Variants in PRELID2 observed in about 807,000 individuals in gnomAD.
PRELID2 encodes the protein PRELI domain containing 2, also known as PRELI domain-containing protein 2.
PRELID2 carries 25 observed loss-of-function variants against 28.4 expected under a neutral mutation model. The observed-to-expected ratio is 0.88, with a 90% CI of 0.64 to 1.23. The LOEUF (loss-of-function observed/expected upper bound fraction) is 1.23, where lower values mean the gene tolerates loss of function less well. Ranked by LOEUF, PRELID2 falls within the 50% of genes most tolerant of loss-of-function variation. The pLI is 0.00. For synonymous variants in PRELID2, 76 were observed against 71.6 expected, an observed-to-expected ratio of 1.06 and a Z score of -0.31; for missense variants, 201 against 214.4, an observed-to-expected ratio of 0.94 and a Z score of 0.39.
At chr5:145,510,630 G>T (rs1752453142) in intron 1 of PRELID2, among the ~76,000 whole-genome samples, 1 of 152,230 alleles carries the variant, frequency 6.6e-6, no homozygotes, top group Admixed American at 6.5e-5. Flanking sequence ...AGGCAAAGCA[G>T]AGGTGATGCT....
At chr5:145,318,081 A>C in the PRELID2 span, among the ~76,000 whole-genome samples, 1 of 152,116 alleles carries the variant, frequency 6.6e-6, no homozygotes, top group Non-Finnish European at 1.5e-5. Flanking sequence ...TATTTGTCTT[A>C]TATTATCCTC....
the PRELID2 span, among the ~76,000 whole-genome samples, chr5:145,336,129 T>C: frequency 2.0e-5 from 3 of 152,238 alleles, no homozygotes; most frequent in Non-Finnish European, 2.9e-5. Flanking sequence ...TGTTTGTTTT[T>C]TTCTTGTAAA....
chr5:145,817,427 A>ATATATATT (rs1322292753), intron 4 of PRELID2, among the ~76,000 whole-genome samples: 3 of 134,534 alleles, frequency 2.2e-5, no homozygotes, highest in East Asian at 2.1e-4. Flanking sequence ...AGTTTTATAT[A>ATATATATT]TATATATATA....
intron 5 of PRELID2, among the ~76,000 whole-genome samples, chr5:145,765,623 C>T (rs1757700132): frequency 6.6e-6 from 1 of 152,140 alleles, no homozygotes; most frequent in Non-Finnish European, 1.5e-5. Context: ...CTCTGAGGAG[C>T]ATCCAACCCT....
intron 1 of PRELID2, among the ~76,000 whole-genome samples, chr5:145,566,832 T>G (rs1369737908): frequency 9.0e-6 from 1 of 110,666 alleles, no homozygotes; most frequent in Non-Finnish European, 1.7e-5. Flanking sequence ...AGAGTGAGAC[T>G]CCATCTCAAA....
intron 4 of PRELID2, among the ~76,000 whole-genome samples, chr5:145,809,548 T>C (rs956011557): frequency 3.0e-4 from 46 of 151,752 alleles, no homozygotes; most frequent in African/African-American, 1.1e-3. Context: ...CGGCCTCCCG[T>C]AGTGCTGGGA....
At chr5:145,737,711 A>G (rs1171261956) in intron 1 of PRELID2, among the ~76,000 whole-genome samples, 1 of 152,222 alleles carries the variant, frequency 6.6e-6, no homozygotes, top group East Asian at 1.9e-4. Flanking sequence ...TACCATAGAA[A>G]AAAACTGACT....
chr5:145,423,025 A>G, the PRELID2 span, among the ~76,000 whole-genome samples: 95,477 of 139,848 alleles, frequency 0.68, 33,162 homozygotes, highest in Admixed American at 0.71. Context: ...GAAATTCTGG[A>G]TTGAAAATTC....
chr5:145,661,791 TC>T (rs1356672695), intron 1 of PRELID2, among the ~76,000 whole-genome samples: 2 of 151,934 alleles, frequency 1.3e-5, no homozygotes, highest in African/African-American at 4.8e-5. Flanking sequence ...GAGAAAAGGT[TC>T]TGCAAGAATG....
chr5:145,238,926 CT>C, the PRELID2 span, among the ~76,000 whole-genome samples: 2 of 151,920 alleles, frequency 1.3e-5, no homozygotes, highest in African/African-American at 2.4e-5. Flanking sequence ...TTTCCTAATA[CT>C]AGTTTATATT....
the PRELID2 span, among the ~76,000 whole-genome samples, chr5:145,418,779 G>A: frequency 6.6e-6 from 1 of 151,482 alleles, no homozygotes; most frequent in South Asian, 2.1e-4. Context: ...TGCACATTGT[G>A]CAGGTTAGTT....
At chr5:145,827,111 A>G (rs2149882793) in intron 1 of PRELID2, among the ~76,000 whole-genome samples, 1 of 152,334 alleles carries the variant, frequency 6.6e-6, no homozygotes, top group South Asian at 2.1e-4. Flanking sequence ...ACCTACAGTA[A>G]GTCTGGTATA....
rs1257148931 is a variant in PRELID2 at position 145,757,291 on chromosome 5, A to G, written c.*3245T>C. 1.3e-5 allele frequency among the ~76,000 whole-genome samples: 2 copies of G among 152,196 alleles called. No homozygotes were observed. The highest frequency in any genetic ancestry group is 2.9e-5 in the Non-Finnish European group (2 of 68,030). On this transcript the variant is annotated 3_prime_UTR_variant, in exon 7 of 7. Coordinates refer to ENST00000683046, the MANE Select transcript of PRELID2 (RefSeq NM_205846.3). ...AGCCCCTTCCTGGTAAAAGCACCTCAGTCATATAGGGATAGTTCAAGTCAG... is the reference window on the plus strand; with the variant it reads ...AGCCCCTTCCTGGTAAAAGCACCTCGGTCATATAGGGATAGTTCAAGTCAG...
At chr5:145,265,389 C>T in the PRELID2 span, among the ~76,000 whole-genome samples, 1 of 152,050 alleles carries the variant, frequency 6.6e-6, no homozygotes, top group Non-Finnish European at 1.5e-5. Flanking sequence ...AATGACCATA[C>T]TGCCAAAAAC....
intron 5 of PRELID2, among the ~76,000 whole-genome samples, chr5:145,794,592 C>T (rs1278722255): frequency 2.6e-5 from 4 of 152,088 alleles, no homozygotes; most frequent in Non-Finnish European, 5.9e-5. Context: ...TAGCACAGTG[C>T]CTAGTGCAAA....
intron 1 of PRELID2, among the ~76,000 whole-genome samples, chr5:145,652,265 A>G (rs1272850870): frequency 1.3e-5 from 2 of 152,258 alleles, no homozygotes; most frequent in Non-Finnish European, 2.9e-5. Flanking sequence ...AAAAGACCAA[A>G]TCTATGTCTG....
chr5:145,330,451 A>ACTT, the PRELID2 span, among the ~76,000 whole-genome samples: 1 of 152,110 alleles, frequency 6.6e-6, no homozygotes, highest in Admixed American at 6.6e-5. Flanking sequence ...CAATTTCAGA[A>ACTT]CTTGTTATTG....
the PRELID2 span, among the ~76,000 whole-genome samples, chr5:145,354,289 A>G: frequency 2.6e-5 from 4 of 152,178 alleles, no homozygotes; most frequent in African/African-American, 7.2e-5. Flanking sequence ...GTTTCTCATA[A>G]TATGAACCAT....
intron 1 of PRELID2, among the ~76,000 whole-genome samples, chr5:145,598,312 A>C (rs1753339563): frequency 6.6e-6 from 1 of 152,140 alleles, no homozygotes; most frequent in African/African-American, 2.4e-5. Context: ...AAGCAGTCTA[A>C]GCAATATAAT....
Sources: gnomAD v4.1 joint callset for allele counts (sites outside exome capture counted in the v4.1 genomes callset) on GRCh38, gnomAD v4.1.1 for gene constraint, MANE v1.5 for transcripts, NCBI Gene and HGNC (gene_info 2026-07-23, HGNC 2026-07-21) for gene names.